LUC7L3: variants seen among roughly 807,000 people sequenced by gnomAD.
LUC7L3 encodes the protein luc7-like protein 3.
Under a neutral mutation model 66.8 loss-of-function variants are expected in LUC7L3, and 6 were observed. The ratio of observed to expected loss-of-function variants is 0.09; its 90% confidence interval spans 0.05 to 0.18. LUC7L3 has a LOEUF of 0.18. Ranked by LOEUF, LUC7L3 falls within the 10% of genes least tolerant of loss-of-function variation. The pLI is 1.00. For synonymous variants in LUC7L3, 160 were observed against 174.7 expected (o/e 0.92, Z 0.66); for missense variants, 341 against 531.1 (o/e 0.64, Z 3.52).
intron 1 of LUC7L3, among the ~76,000 whole-genome samples, chr17:50,734,053 A>G (rs573183631): frequency 6.6e-6 from 1 of 152,380 alleles, no homozygotes; most frequent in Admixed American, 6.5e-5. Context: ...CATCACAAGC[A>G]GTGGAACTTC....
chr17:50,728,116 C>CAAAA (rs34210400), intron 1 of LUC7L3, among the ~76,000 whole-genome samples: 1 of 128,534 alleles, frequency 7.8e-6, no homozygotes, highest in Non-Finnish European at 1.7e-5. Context: ...AGATCTGTCT[C>CAAAA]AAAAAAAAAA....
At chr17:50,736,693 T>A (rs925861135) in intron 1 of LUC7L3, 2 of 352,854 alleles carry the variant, frequency 5.7e-6, no homozygotes, top group Non-Finnish European at 1.0e-5. Context: ...TTTCCCATAT[T>A]TGTTTTTGCT....
chr17:50,733,398 GTTTTTTTTT>G (rs35236108), intron 1 of LUC7L3, among the ~76,000 whole-genome samples: 2 of 98,330 alleles, frequency 2.0e-5, no homozygotes, highest in Admixed American at 2.3e-4. Flanking sequence ...CGCCTGGCTA[GTTTTTTTTT>G]TTTTTTTTTT....
chr17:50,751,172 A>C lies in LUC7L3; in HGVS notation c.*511A>C. Reference sequence around the variant, plus strand: ...GTATTTCTTTGTCAAGGATGTTTCTAGTTTTTTGCTTTATTGCCTTGCATT... The same window carrying C: ...GTATTTCTTTGTCAAGGATGTTTCTCGTTTTTTGCTTTATTGCCTTGCATT... On this transcript the variant is annotated 3_prime_UTR_variant, in exon 10 of 10. Transcript: ENST00000505658. 1 of 1,480,018 alleles carries C rather than the reference A, an allele frequency of 6.8e-7. No homozygotes were observed. Among genetic ancestry groups the C allele is most frequent in the Non-Finnish European group, 8.9e-7 (1 of 1,117,416 alleles). 91.7% of individuals were successfully genotyped at this position (1,480,018 alleles called of 1,614,324 possible). A position where few individuals can be genotyped will look rare whatever the true frequency, so the allele number is the denominator to read the frequency against.
intron 1 of LUC7L3, chr17:50,723,210 A>G (rs2146684589): frequency 6.6e-6 from 1 of 152,358 alleles, no homozygotes; most frequent in East Asian, 1.9e-4. Flanking sequence ...TCAACCTGAA[A>G]ATGAAATTAC....
At chr17:50,733,397 A>G (rs921770500) in intron 1 of LUC7L3, among the ~76,000 whole-genome samples, 18 of 86,958 alleles carry the variant, frequency 2.1e-4, no homozygotes, top group African/African-American at 1.1e-3. Context: ...ACGCCTGGCT[A>G]GTTTTTTTTT....
intron 1 of LUC7L3, among the ~76,000 whole-genome samples, chr17:50,734,382 G>C (rs758135346): frequency 2.6e-5 from 4 of 152,082 alleles, no homozygotes; most frequent in Non-Finnish European, 5.9e-5. Context: ...GGTCATGCTG[G>C]TCTCAAACTC....
At chr17:50,744,526 A>G in intron 6 of LUC7L3, 126 bp from the exon 7 acceptor site, 2 of 838,766 alleles carry the variant, frequency 2.4e-6, no homozygotes, top group Non-Finnish European at 1.8e-6. Context: ...GTCCAATATT[A>G]CTGATTTGGG....
intron 9 of LUC7L3, among the ~76,000 whole-genome samples, chr17:50,746,967 T>G (rs970712799): frequency 6.6e-6 from 1 of 152,196 alleles, no homozygotes; most frequent in African/African-American, 2.4e-5. Context: ...CTTTTAAGTG[T>G]TATATTACCT....
chr17:50,755,139 G>A lies in LUC7L3; in HGVS notation c.*4478G>A, dbSNP rs2143112475. The A allele has an allele frequency of 6.6e-6, 1 of 152,060 alleles. No homozygotes were observed. Among genetic ancestry groups the A allele is most frequent in the Non-Finnish European group, 1.5e-5 (1 of 67,978 alleles). 9.4% of individuals were successfully genotyped at this position (152,060 alleles called of 1,614,324 possible). On this transcript the variant is annotated 3_prime_UTR_variant, in exon 10 of 10. Coordinates refer to ENST00000505658, the MANE Select transcript of LUC7L3 (RefSeq NM_016424.5). ...TTTAGTTGTTTGTGAAAGAACCCCA[G>A]GTCTACTTTTGAAATTTTGTATTAT...
In LUC7L3 at chr17:50,751,987, A is replaced by T. The variant is rs1438762403; in HGVS notation, c.*1326A>T. 1.9e-6 allele frequency: 2 copies of T among 1,040,598 alleles called. No homozygotes were observed. The highest frequency in any genetic ancestry group is 3.5e-5 in the African/African-American group (2 of 57,800). 64.5% of individuals were successfully genotyped at this position (1,040,598 alleles called of 1,614,324 possible). ...ATTCCCCTTTTGGGAAAGCAATGTA[A>T]GGTTATGTCTGTGTATGTCATTCAC... On this transcript the variant is annotated 3_prime_UTR_variant, in exon 10 of 10. Transcript: ENST00000505658.
intron 6 of LUC7L3, 111 bp from the exon 7 acceptor site, chr17:50,744,541 T>A: frequency 1.0e-6 from 1 of 991,834 alleles, no homozygotes; most frequent in Non-Finnish European, 1.4e-6. Flanking sequence ...TTTGGGGAAA[T>A]GGAAAAGAGC....
rs369486406 is a variant in LUC7L3 at position 50,719,615 on chromosome 17, C to G, written c.-118C>G. On this transcript the variant is annotated 5_prime_UTR_variant, in exon 1 of 10. Coordinates refer to ENST00000505658, the MANE Select transcript of LUC7L3 (RefSeq NM_016424.5). ...CGGCGGCCATTTTGTCTTGTCGGCT[C>G]CTGTGTGTAGGAGGGATTTCGGCCT... The G allele has an allele frequency of 3.9e-6, 3 of 776,950 alleles. No individual in the cohort carries two copies. The highest frequency in any genetic ancestry group is 3.0e-5 in the East Asian group (1 of 33,796). The allele number at this position is 776,950 out of a possible 1,614,324, so 48.1% of individuals were successfully genotyped here.
chr17:50,722,823 C>T (rs1203515785), intron 1 of LUC7L3: 1 of 152,200 alleles, frequency 6.6e-6, no homozygotes, highest in Non-Finnish European at 1.5e-5. Context: ...TAGATTGCTA[C>T]CTCTGGATCT....
chr17:50,752,125 G>A lies in LUC7L3; in HGVS notation c.*1464G>A, dbSNP rs1971001103. 7.9e-7 allele frequency: 1 copy of A among 1,270,688 alleles called. No individual in the cohort carries two copies. The highest frequency in any genetic ancestry group is 1.0e-6 in the Non-Finnish European group (1 of 981,072). The allele number at this position is 1,270,688 out of a possible 1,614,324, so 78.7% of individuals were successfully genotyped here. On this transcript the variant is annotated 3_prime_UTR_variant, in exon 10 of 10. Coordinates refer to ENST00000505658, the MANE Select transcript of LUC7L3 (RefSeq NM_016424.5). ...ATGTTAATTAGCAGTTAGTGACTGG[G>A]CCAACACTTTCTCATAAAAATTGGC...
intron 1 of LUC7L3, among the ~76,000 whole-genome samples, chr17:50,727,403 A>G (rs1969266767): frequency 6.6e-6 from 1 of 152,234 alleles, no homozygotes; most frequent in Non-Finnish European, 1.5e-5. Flanking sequence ...TCACATGGCT[A>G]GAGTGCCAGG....
intron 3 of LUC7L3, among the ~76,000 whole-genome samples, chr17:50,740,703 T>C (rs892890699): frequency 2.0e-5 from 3 of 152,134 alleles, no homozygotes; most frequent in Admixed American, 6.5e-5. Context: ...GGATTACAGG[T>C]GCCCACCACC....
In LUC7L3 at chr17:50,741,924, A is replaced by G. The variant is rs76812751; in HGVS notation, c.426+193A>G. 5.5e-3 allele frequency among the ~76,000 whole-genome samples: 830 copies of G among 152,224 alleles called. 4 individuals carry two copies. The highest frequency in any genetic ancestry group is 0.019 in the African/African-American group (779 of 41,546). ...ACAAAGTGAGACCCAGTCTTTACAAAAATTAGCCAGGTGCAATGGCGTGTA... is the reference window on the plus strand; with the variant it reads ...ACAAAGTGAGACCCAGTCTTTACAAGAATTAGCCAGGTGCAATGGCGTGTA... On this transcript the variant is annotated intron_variant, in intron 5 of 9. Coordinates refer to ENST00000505658, the MANE Select transcript of LUC7L3 (RefSeq NM_016424.5).
chr17:50,745,200 C>T (rs1415421128), intron 7 of LUC7L3, among the ~76,000 whole-genome samples: 2 of 151,926 alleles, frequency 1.3e-5, no homozygotes, highest in African/African-American at 4.8e-5. Flanking sequence ...TTCCTGTTGG[C>T]CAGGCTGGTC....
Sources: gnomAD v4.1 joint callset for allele counts (sites outside exome capture counted in the v4.1 genomes callset) on GRCh38, gnomAD v4.1.1 for gene constraint, MANE v1.5 for transcripts, NCBI Gene and HGNC (gene_info 2026-07-23, HGNC 2026-07-21) for gene names.